Variants in CDH20 observed in about 807,000 individuals in gnomAD.
The protein encoded by CDH20 is cadherin-20.
Under a neutral mutation model 74.2 loss-of-function variants are expected in CDH20, and 29 were observed. The observed-to-expected ratio is 0.39, with a 90% CI of 0.29 to 0.53. The LOEUF (loss-of-function observed/expected upper bound fraction) is 0.53. CDH20 is among the 20% of genes least tolerant of loss of function. The pLI is 0.69. For synonymous variants in CDH20, 469 were observed against 405.4 expected, an observed-to-expected ratio of 1.16 and a Z score of -1.88; for missense variants, 988 against 1,048.3, an observed-to-expected ratio of 0.94 and a Z score of 0.79.
In CDH20 at chr18:61,500,468, G is replaced by A. The variant is rs1911337968; in HGVS notation, c.627G>A (p.Gln209=). 6.2e-7 allele frequency: 1 copy of A among 1,611,912 alleles called. No homozygotes were observed. The highest frequency in any genetic ancestry group is 8.5e-7 in the Non-Finnish European group (1 of 1,178,598). The change falls in exon 4 of 12, where the codon CAG becomes CAA. Residue 209 remains glutamine, a synonymous_variant. Transcript: ENST00000262717. ...CCAGGGTGGTGTACAGCATTCTTCA[G>A]GGCCAGCCATATTTTTCTGTGGACT... is the stretch of plus-strand genomic sequence containing the variant. ...NSARVVYSIL[Q]GQPYFSVDSK...
intron 2 of CDH20, among the ~76,000 whole-genome samples, chr18:61,494,980 G>C (rs563467767): frequency 2.6e-5 from 4 of 152,250 alleles, no homozygotes; most frequent in Admixed American, 2.6e-4. Flanking sequence ...TTCAGGACCT[G>C]CTTGTACTTC....
chr18:61,522,040 T>C (rs1273174938), intron 6 of CDH20, among the ~76,000 whole-genome samples: 1 of 152,176 alleles, frequency 6.6e-6, no homozygotes, highest in Non-Finnish European at 1.5e-5. Flanking sequence ...ACCACTCCTA[T>C]TCAACACAGT....
chr18:61,553,119 A>T (rs1913493631), intron 11 of CDH20, among the ~76,000 whole-genome samples: 2 of 152,212 alleles, frequency 1.3e-5, no homozygotes, highest in Non-Finnish European at 2.9e-5. Context: ...AAAAATTTTT[A>T]AATCATTGTT....
chr18:61,338,874 T>C (rs548860308), intron 1 of CDH20, among the ~76,000 whole-genome samples: 1 of 152,232 alleles, frequency 6.6e-6, no homozygotes, highest in Non-Finnish European at 1.5e-5. Flanking sequence ...TTCTTCTTTA[T>C]AGTTCTACAA....
At chr18:61,524,210 G>A (rs1429591778) in intron 6 of CDH20, among the ~76,000 whole-genome samples, 1 of 151,972 alleles carries the variant, frequency 6.6e-6, no homozygotes, top group African/African-American at 2.4e-5. Context: ...GATGCATCAC[G>A]AGGCAGTAAG....
intron 6 of CDH20, among the ~76,000 whole-genome samples, chr18:61,512,155 C>T (rs1911806548): frequency 6.6e-6 from 1 of 152,222 alleles, no homozygotes. Flanking sequence ...ATTGGGTCTT[C>T]AGGACCCCAC....
intron 1 of CDH20, chr18:61,334,330 G>A (rs558711478): frequency 6.6e-6 from 1 of 152,274 alleles, no homozygotes; most frequent in African/African-American, 2.4e-5. Flanking sequence ...AGGCACCTAC[G>A]GGGCCGATCC....
At chr18:61,513,566 C>T (rs1029320749) in intron 6 of CDH20, among the ~76,000 whole-genome samples, 3 of 150,568 alleles carry the variant, frequency 2.0e-5, no homozygotes, top group African/African-American at 7.3e-5. Context: ...TTATTTTGCT[C>T]GTTAGTTGAT....
At chr18:61,367,949 T>A (rs1406604791) in intron 1 of CDH20, among the ~76,000 whole-genome samples, 1 of 152,074 alleles carries the variant, frequency 6.6e-6, no homozygotes, top group Admixed American at 6.6e-5. Flanking sequence ...AATGTCCTCT[T>A]CTTATAAGGA....
Position 61,499,272 on chromosome 18 carries a change from C to A in CDH20, c.333C>A (p.Asp111Glu). Residue 111 changes from aspartate (D) to glutamate (E), a missense_variant, in exon 3 of 12, where the codon GAC becomes GAA. This residue lies in a region of CDH20 where 613 missense variants were observed against 755.2 expected (regional missense o/e 0.81). Transcript: ENST00000262717. ...CTGGCATCGTGTTTACCATCGACGA[C>A]ACCACTGGAGACATCCACGCCATTC... ...EGAGIVFTID[D>E]TTGDIHAIQR... 6.2e-7 allele frequency: 1 copy of A among 1,613,704 alleles called. No individual in the cohort carries two copies.
rs77956968 is a variant in CDH20 at position 61,398,385 on chromosome 18, A to G, written c.-153+64558A>G. On this transcript the variant is annotated intron_variant, in intron 1 of 11. Coordinates refer to ENST00000262717, the MANE Select transcript of CDH20 (RefSeq NM_031891.4). ...TAATTATGGTCTTCTTAATTTATAT[A>G]CATATATCTATATGTACATATTTAC... Among the ~76,000 whole-genome samples, 1,479 of 152,304 alleles carry G rather than the reference A, an allele frequency of 9.7e-3. 31 individuals carry two copies. Among genetic ancestry groups the G allele is most frequent in the East Asian group, 0.087 (449 of 5,174 alleles).
chr18:61,462,182 T>C (rs1909802743), intron 1 of CDH20, among the ~76,000 whole-genome samples: 1 of 152,180 alleles, frequency 6.6e-6, no homozygotes, highest in Non-Finnish European at 1.5e-5. Flanking sequence ...AAATTTCAAA[T>C]GTTCTCACCA....
chr18:61,411,841 G>C (rs1912521041), intron 1 of CDH20, among the ~76,000 whole-genome samples: 1 of 151,962 alleles, frequency 6.6e-6, no homozygotes, highest in Admixed American at 6.6e-5. Flanking sequence ...TTGGGACTTG[G>C]GTGGAGAGGG....
chr18:61,489,124 AT>A (rs1910870766), intron 1 of CDH20, among the ~76,000 whole-genome samples: 3 of 152,216 alleles, frequency 2.0e-5, no homozygotes, highest in African/African-American at 4.8e-5. Flanking sequence ...TACTTTCTCT[AT>A]CATTTCTCAT....
At chr18:61,354,104 G>A (rs554240498) in intron 1 of CDH20, among the ~76,000 whole-genome samples, 3 of 151,852 alleles carry the variant, frequency 2.0e-5, no homozygotes, top group Non-Finnish European at 2.9e-5. Context: ...TCCATCTCAT[G>A]AGCCACATTT....
At chr18:61,390,723 G>C (rs1191191922) in intron 1 of CDH20, among the ~76,000 whole-genome samples, 1 of 152,088 alleles carries the variant, frequency 6.6e-6, no homozygotes. Context: ...TCTAATCAGG[G>C]AAGGAAATAG....
intron 1 of CDH20, among the ~76,000 whole-genome samples, chr18:61,365,386 C>A (rs1301951553): frequency 6.6e-6 from 1 of 152,184 alleles, no homozygotes; most frequent in African/African-American, 2.4e-5. Flanking sequence ...CTATGGGTTT[C>A]TAAATTCCTA....
At chr18:61,452,113 C>T (rs1909411465) in intron 1 of CDH20, among the ~76,000 whole-genome samples, 1 of 152,092 alleles carries the variant, frequency 6.6e-6, no homozygotes, top group South Asian at 2.1e-4. Flanking sequence ...AAAACACCCC[C>T]TCCCAACAGT....
At chr18:61,399,144 G>A (rs1343808410) in intron 1 of CDH20, among the ~76,000 whole-genome samples, 5 of 150,426 alleles carry the variant, frequency 3.3e-5, no homozygotes, top group Non-Finnish European at 7.4e-5. Context: ...ACATTTTGCA[G>A]TGACCAACCT....
Sources: gnomAD v4.1 joint callset for allele counts (sites outside exome capture counted in the v4.1 genomes callset) on GRCh38, gnomAD v4.1.1 for gene constraint, gnomAD v4.1.1 regional missense constraint, MANE v1.5 for transcripts, NCBI Gene and HGNC (gene_info 2026-07-23, HGNC 2026-07-21) for gene names.